Variants in DMD observed in about 807,000 individuals in gnomAD.
The protein encoded by DMD is mutant dystrophin.
In DMD, 63 loss-of-function variants were observed where a neutral mutation model predicts 330.1. The ratio of observed to expected loss-of-function variants is 0.19; its 90% confidence interval spans 0.16 to 0.24. The LOEUF (loss-of-function observed/expected upper bound fraction) is 0.24, where lower values mean the gene tolerates loss of function less well. Among genes scored for constraint, DMD ranks in the 10% least tolerant of loss-of-function variants. The probability of loss-of-function intolerance (pLI) is 1.00; values close to 1 mark genes in which losing one functional copy is unlikely to be tolerated. For missense variants in DMD, 3,344 were observed against 2,684.1 expected, an observed-to-expected ratio of 1.25 and a Z score of -5.43; for synonymous variants, 1,223 against 959.8, an observed-to-expected ratio of 1.27 and a Z score of -5.07.
chrX:33,074,114 C>T (rs2094801896), intron 1 of DMD, among the ~76,000 whole-genome samples: 1 of 111,324 alleles, frequency 9.0e-6, no homozygotes, highest in Non-Finnish European at 1.9e-5. Flanking sequence ...GTGACAATCA[C>T]TCAGTCTTGG....
At chrX:32,790,794 C>A (rs866373615) in intron 7 of DMD, among the ~76,000 whole-genome samples, 24 of 111,600 alleles carry the variant, frequency 2.2e-4, no homozygotes, top group African/African-American at 7.2e-4. Flanking sequence ...CAGGCAACTG[C>A]TTATGGCTGC....
chrX:33,117,277 C>A (rs993930569), intron 1 of DMD, among the ~76,000 whole-genome samples: 1 of 110,828 alleles, frequency 9.0e-6, no homozygotes, highest in Non-Finnish European at 1.9e-5. Context: ...TGAGTAAGCT[C>A]TGGGGATCTA....
chrX:32,809,976 G>T (rs1482759498), intron 6 of DMD, among the ~76,000 whole-genome samples: 1 of 97,300 alleles, frequency 1.0e-5, no homozygotes, highest in Non-Finnish European at 2.0e-5. Context: ...AGAAAAACTA[G>T]CTGGGTGTGG....
At chrX:32,099,631 C>T (rs1417740288) in intron 44 of DMD, among the ~76,000 whole-genome samples, 1 of 106,726 alleles carries the variant, frequency 9.4e-6, no homozygotes, top group Non-Finnish European at 1.9e-5. Context: ...TCTCAGTAAA[C>T]TATCGCAAGG....
chrX:32,199,764 C>T (rs780459459), intron 44 of DMD, among the ~76,000 whole-genome samples: 1 of 102,695 alleles, frequency 9.7e-6, no homozygotes, highest in African/African-American at 3.6e-5. Flanking sequence ...TCAGCAAGCG[C>T]CACCACGCAA....
intron 62 of DMD, among the ~76,000 whole-genome samples, chrX:31,289,978 T>A (rs1485516133): frequency 9.3e-6 from 1 of 107,836 alleles, no homozygotes; most frequent in Non-Finnish European, 1.9e-5. Context: ...TGGAGTGCAG[T>A]GGCATGATCT....
At chrX:32,134,075 C>T (rs180980265) in intron 44 of DMD, among the ~76,000 whole-genome samples, 1 of 111,828 alleles carries the variant, frequency 8.9e-6, no homozygotes, top group East Asian at 2.8e-4. Context: ...CCATGATACC[C>T]TATTTAAAAT....
At chrX:32,635,150 T>G (rs1346429496) in intron 11 of DMD, among the ~76,000 whole-genome samples, 1 of 111,421 alleles carries the variant, frequency 9.0e-6, no homozygotes, top group Non-Finnish European at 1.9e-5. Context: ...CAAAGTCCTA[T>G]AATCACTGCA....
intron 44 of DMD, 147 bp from the exon 45 acceptor site, chrX:31,968,661 C>T: frequency 1.6e-6 from 1 of 620,301 alleles, no homozygotes; most frequent in Non-Finnish European, 2.5e-6. Context: ...ATGAAACTGA[C>T]ATGCCCATAT....
chrX:32,950,222 T>G (rs66912828), intron 2 of DMD, among the ~76,000 whole-genome samples: 15,209 of 110,633 alleles, frequency 0.14, 1,155 homozygotes, highest in African/African-American at 0.29. Flanking sequence ...AATGACAACA[T>G]CTAGGATCTA....
rs746536387 is a variant in DMD, at chrX:32,699,263, G to C, written c.680C>G (p.Ser227Cys). 4.1e-6 allele frequency: 5 copies of C among 1,208,555 alleles called. No homozygotes were observed. Among genetic ancestry groups the C allele is most frequent in the Non-Finnish European group, 5.6e-6 (5 of 892,894 alleles). ...GAGTGATGTGATGTACATTAAGATG[G>C]ACTTCTTATCTGGATAGGTGGTATC... ...DVDTTYPDKK[S>C]ILMYITSLFQ... is the part of the protein sequence containing the mutation. Residue 227 changes from serine to cysteine, a missense_variant, in exon 8 of 79, where the codon TCC (serine) becomes TGC (cysteine). Physicochemically the swap from Ser to Cys is moderately radical, Grantham distance 112. Transcript: ENST00000357033.
At chrX:31,749,423 T>G (rs932893444) in intron 51 of DMD, among the ~76,000 whole-genome samples, 2 of 103,388 alleles carry the variant, frequency 1.9e-5, no homozygotes, top group African/African-American at 7.0e-5. Context: ...AATAGTTTAC[T>G]GAGAATGATG....
intron 9 of DMD, among the ~76,000 whole-genome samples, chrX:32,697,014 G>C (rs759050373): frequency 8.9e-6 from 1 of 111,734 alleles, no homozygotes; most frequent in African/African-American, 3.2e-5. Context: ...TTTTTTAGCC[G>C]ATAGGATCAG....
At chrX:33,052,775 ATAATAACTTACTTGTACATTTT>A (rs1450406442) in intron 1 of DMD, among the ~76,000 whole-genome samples, 1 of 111,921 alleles carries the variant, frequency 8.9e-6, no homozygotes, top group African/African-American at 3.2e-5. Context: ...ACTATAGTCA[ATAATAACTTACTTGTACATTTT>A]TAAATAACTA....
chrX:32,470,811 CAA>C (rs1402266861), intron 22 of DMD, among the ~76,000 whole-genome samples: 1 of 111,419 alleles, frequency 9.0e-6, no homozygotes, highest in Non-Finnish European at 1.9e-5. Flanking sequence ...TACATTACTT[CAA>C]AAAAATATTT....
chrX:31,363,021 G>A (rs2059026043), intron 60 of DMD, among the ~76,000 whole-genome samples: 1 of 111,726 alleles, frequency 9.0e-6, no homozygotes, highest in Non-Finnish European at 1.9e-5. Flanking sequence ...TATACCTCAG[G>A]GATATTTAAA....
chrX:31,559,380 C>T (rs1447425168), intron 55 of DMD, among the ~76,000 whole-genome samples: 4 of 98,811 alleles, frequency 4.0e-5, no homozygotes, highest in African/African-American at 4.1e-5. Flanking sequence ...CGGTGGCTCA[C>T]GCCTGTAATC....
intron 2 of DMD, among the ~76,000 whole-genome samples, chrX:32,985,455 T>C (rs780964195): frequency 1.5e-3 from 170 of 111,809 alleles, no homozygotes; most frequent in Non-Finnish European, 2.8e-3. Context: ...TTTGGGATTA[T>C]TTTATTTTAT....
At chrX:32,280,172 TATATATATATATATAC>T (rs200051771) in intron 43 of DMD, among the ~76,000 whole-genome samples, 15,537 of 73,847 alleles carry the variant, frequency 0.21, 1,035 homozygotes, top group Non-Finnish European at 0.23. Context: ...ACAGTATATA[TATATATATATATATAC>T]ACACTATGTA....
Sources: allele counts gnomAD v4.1 joint callset (sites outside exome capture counted in the v4.1 genomes callset), GRCh38; gene constraint gnomAD v4.1.1; transcripts MANE v1.5; gene names NCBI Gene and HGNC (gene_info 2026-07-23, HGNC 2026-07-21).